PCDH7: variants seen among roughly 807,000 people sequenced by gnomAD.
PCDH7 encodes protocadherin 7, also known as protocadherin-7.
A neutral mutation model predicts 58.9 loss-of-function variants in PCDH7; 17 were observed. That is an observed-to-expected ratio of 0.29 (90% CI 0.20 to 0.43). The LOEUF is 0.43. Ranked by LOEUF, PCDH7 falls within the 20% of genes least tolerant of loss-of-function variation. The probability of loss-of-function intolerance (pLI) is 1.00; values close to 1 mark genes in which losing one functional copy is unlikely to be tolerated. For synonymous variants in PCDH7, 664 were observed against 616.4 expected (o/e 1.08, Z -1.14); for missense variants, 1,274 against 1,441.0 (o/e 0.88, Z 1.88).
At chr4:31,008,423 C>T (rs931357315) in intron 3 of PCDH7, among the ~76,000 whole-genome samples, 1 of 152,072 alleles carries the variant, frequency 6.6e-6, no homozygotes, top group African/African-American at 2.4e-5. Context: ...AAGTCATTCT[C>T]ACAGATCATA....
chr4:31,118,316 G>A (rs1300151734), intron 3 of PCDH7, among the ~76,000 whole-genome samples: 1 of 152,082 alleles, frequency 6.6e-6, no homozygotes, highest in African/African-American at 2.4e-5. Context: ...TGATATCAGC[G>A]ACTGGGAACT....
intron 1 of PCDH7, among the ~76,000 whole-genome samples, chr4:30,839,104 CTA>C (rs1334329442): frequency 1.3e-5 from 2 of 151,536 alleles, no homozygotes; most frequent in African/African-American, 4.8e-5. Context: ...CAGTATATAT[CTA>C]TGTTATATGT....
At chr4:31,058,030 G>A (rs1034718055) in intron 3 of PCDH7, among the ~76,000 whole-genome samples, 20 of 152,042 alleles carry the variant, frequency 1.3e-4, no homozygotes, top group Admixed American at 1.2e-3. Context: ...TTTGACAACT[G>A]AAAGCAATAA....
intron 1 of PCDH7, among the ~76,000 whole-genome samples, chr4:30,833,844 A>G (rs1027406317): frequency 6.6e-6 from 1 of 152,220 alleles, no homozygotes; most frequent in African/African-American, 2.4e-5. Context: ...AATGTCATAT[A>G]AATGTTGTAT....
At chr4:30,820,230 TTG>T (rs1728214180) in intron 1 of PCDH7, among the ~76,000 whole-genome samples, 1 of 152,148 alleles carries the variant, frequency 6.6e-6, no homozygotes, top group Non-Finnish European at 1.5e-5. Context: ...TAGATACTTT[TTG>T]TGTGTGAGAG....
chr4:31,072,311 T>C (rs1260154748), intron 3 of PCDH7, among the ~76,000 whole-genome samples: 1 of 152,132 alleles, frequency 6.6e-6, no homozygotes, highest in Non-Finnish European at 1.5e-5. Context: ...TAGTCATGCA[T>C]ATATCTAGAG....
At chr4:31,142,300 T>C (rs1720360593) in intron 3 of PCDH7, among the ~76,000 whole-genome samples, 173 bp from the exon 3 acceptor site, 2 of 152,282 alleles carry the variant, frequency 1.3e-5, no homozygotes, top group African/African-American at 4.8e-5. Flanking sequence ...AACCTTATCT[T>C]TGATGCACAT....
At chr4:31,053,389 G>GT (rs1756910039) in intron 3 of PCDH7, among the ~76,000 whole-genome samples, 1 of 151,878 alleles carries the variant, frequency 6.6e-6, no homozygotes, top group African/African-American at 2.4e-5. Context: ...TTCAACTTAT[G>GT]ATACATCATC....
intron 3 of PCDH7, among the ~76,000 whole-genome samples, chr4:30,955,625 T>A (rs1747779274): frequency 6.6e-6 from 1 of 151,956 alleles, no homozygotes; most frequent in Admixed American, 6.6e-5. Flanking sequence ...CTCAGCTCAC[T>A]GCAACCTCCG....
chr4:30,811,662 G>A (rs1347904186), intron 1 of PCDH7, among the ~76,000 whole-genome samples: 1 of 152,138 alleles, frequency 6.6e-6, no homozygotes, highest in Non-Finnish European at 1.5e-5. Flanking sequence ...GAGAAACAAG[G>A]ACCTTTTAGG....
rs116522408 is a variant in PCDH7 at position 30,798,230 on chromosome 4, G to A, written c.70+73634G>A. Among the ~76,000 whole-genome samples, 513 of 152,264 alleles carry A rather than the reference G, an allele frequency of 3.4e-3. 3 individuals carry two copies. Among genetic ancestry groups the A allele is most frequent in the African/African-American group, 0.012 (487 of 41,546 alleles). ...GGAGGAATGGGAGTCAGACAGCAGA[G>A]GTCTTTACAGACAGGGGAGTGGATG... is the stretch of plus-strand genomic sequence containing the variant. On this transcript the variant is annotated intron_variant, in intron 1 of 3. Transcript: ENST00000509759.
chr4:30,815,287 G>C (rs559052027), intron 1 of PCDH7, among the ~76,000 whole-genome samples: 2 of 152,108 alleles, frequency 1.3e-5, no homozygotes, highest in African/African-American at 2.4e-5. Context: ...GAAATAATTA[G>C]GCTGAGGGGC....
At chr4:31,014,178 A>T (rs1398833564) in intron 3 of PCDH7, among the ~76,000 whole-genome samples, 1 of 152,090 alleles carries the variant, frequency 6.6e-6, no homozygotes, top group East Asian at 1.9e-4. Context: ...TAAATTATAC[A>T]GCAAAAATCT....
chr4:30,733,299 T>C (rs1043223686), downstream of PCDH7, among the ~76,000 whole-genome samples: 1 of 152,204 alleles, frequency 6.6e-6, no homozygotes, highest in Non-Finnish European at 1.5e-5. Flanking sequence ...TGGTCTATTT[T>C]AGAGTAGTTC....
intron 3 of PCDH7, among the ~76,000 whole-genome samples, chr4:31,023,730 G>C (rs1754208475): frequency 6.6e-6 from 1 of 151,890 alleles, no homozygotes; most frequent in Non-Finnish European, 1.5e-5. Flanking sequence ...TTTTATTTTA[G>C]AATTACAGAA....
chr4:31,108,569 T>C (rs1715891773), intron 3 of PCDH7, among the ~76,000 whole-genome samples: 1 of 152,142 alleles, frequency 6.6e-6, no homozygotes, highest in South Asian at 2.1e-4. Context: ...ATCTTGTTTT[T>C]GTGATTGCAT....
chr4:31,086,278 A>G (rs1315528980), intron 3 of PCDH7, among the ~76,000 whole-genome samples: 1 of 152,188 alleles, frequency 6.6e-6, no homozygotes, highest in Non-Finnish European at 1.5e-5. Context: ...AAATAAAGAA[A>G]TTAAAATAGC....
chr4:31,129,091 A>G (rs1017431124), intron 3 of PCDH7, among the ~76,000 whole-genome samples: 2 of 152,196 alleles, frequency 1.3e-5, no homozygotes, highest in Non-Finnish European at 2.9e-5. Context: ...TCATTCAACC[A>G]TTCAACAGGC....
intron 1 of PCDH7, among the ~76,000 whole-genome samples, chr4:30,843,003 C>A (rs1393278056): frequency 2.6e-5 from 4 of 151,748 alleles, no homozygotes; most frequent in Non-Finnish European, 5.9e-5. Flanking sequence ...AATGCCGCAA[C>A]CCTAGCAATT....
Sources: gnomAD v4.1 joint callset for allele counts (sites outside exome capture counted in the v4.1 genomes callset) on GRCh38, gnomAD v4.1.1 for gene constraint, MANE v1.5 for transcripts, NCBI Gene and HGNC (gene_info 2026-07-23, HGNC 2026-07-21) for gene names.